The following CFAP61 variants were observed in gnomAD, a reference collection of about 807,000 sequenced individuals.
CFAP61 encodes cilia and flagella associated protein 61, also known as cilia- and flagella-associated protein 61.
In CFAP61, 107 loss-of-function variants were observed where a neutral mutation model predicts 135.6. That is an observed-to-expected ratio of 0.79 (90% CI 0.67 to 0.93). CFAP61 has a LOEUF of 0.93. Among genes scored for constraint, CFAP61 ranks in the 40% least tolerant of loss-of-function variants. The probability of loss-of-function intolerance (pLI) is 0.00; values close to 1 mark genes in which losing one functional copy is unlikely to be tolerated. For synonymous variants in CFAP61, 575 were observed against 578.5 expected, an observed-to-expected ratio of 0.99 and a Z score of 0.09; for missense variants, 1,507 against 1,556.2, an observed-to-expected ratio of 0.97 and a Z score of 0.53.
At chr20:20,308,570 T>C (rs1326028178) in intron 25 of CFAP61, among the ~76,000 whole-genome samples, 1 of 152,162 alleles carries the variant, frequency 6.6e-6, no homozygotes, top group Non-Finnish European at 1.5e-5. Flanking sequence ...AATTCTGTCT[T>C]GCCCTATGCT....
At chr20:20,338,880 A>G (rs1300947148) in intron 25 of CFAP61, among the ~76,000 whole-genome samples, 1 of 152,236 alleles carries the variant, frequency 6.6e-6, no homozygotes, top group Non-Finnish European at 1.5e-5. Flanking sequence ...TCGACCAGAA[A>G]TGGTTAATTC....
In CFAP61 at chr20:20,198,968, G is replaced by A. The variant is rs370763148; in HGVS notation, c.1798-800G>A. On this transcript the variant is annotated intron_variant, in intron 16 of 26. Coordinates refer to ENST00000245957, the MANE Select transcript of CFAP61 (RefSeq NM_015585.4). ...TAACTCTTCAGATTTAAATGGTTACGATGTCCTTAGTTCATTTCACCAAAA... is the reference window on the plus strand; with the variant it reads ...TAACTCTTCAGATTTAAATGGTTACAATGTCCTTAGTTCATTTCACCAAAA... Among the ~76,000 whole-genome samples, 7 of 152,234 alleles carry A rather than the reference G, an allele frequency of 4.6e-5. 1 individual carries two copies. The highest frequency in any genetic ancestry group is 4.1e-4 in the South Asian group (2 of 4,820).
chr20:20,176,412 C>G (rs529125611), intron 13 of CFAP61, among the ~76,000 whole-genome samples: 39 of 144,166 alleles, frequency 2.7e-4, no homozygotes, highest in African/African-American at 1.0e-3. Flanking sequence ...GTTCATTGCG[C>G]ACCGTTCATA....
At chr20:20,272,026 C>T (rs866284012) in intron 21 of CFAP61, among the ~76,000 whole-genome samples, 1 of 152,156 alleles carries the variant, frequency 6.6e-6, no homozygotes, top group South Asian at 2.1e-4. Context: ...TTATAAAGTA[C>T]ACAATGGTAG....
chr20:20,340,964 A>C (rs1284552221), intron 25 of CFAP61, among the ~76,000 whole-genome samples: 1 of 151,920 alleles, frequency 6.6e-6, no homozygotes. Flanking sequence ...GGGACACTTT[A>C]CCTCCATCCC....
At chr20:20,328,216 G>A (rs1262075856) in intron 25 of CFAP61, among the ~76,000 whole-genome samples, 7 of 152,250 alleles carry the variant, frequency 4.6e-5, no homozygotes, top group Non-Finnish European at 5.9e-5. Flanking sequence ...AAGCATGAAG[G>A]GTAGCAACAT....
At chr20:20,302,871 C>T (rs993114433) in intron 25 of CFAP61, among the ~76,000 whole-genome samples, 4 of 151,970 alleles carry the variant, frequency 2.6e-5, no homozygotes, top group South Asian at 2.1e-4. Flanking sequence ...TTTTATTTTT[C>T]GGAAAGAGTA....
chr20:20,160,285 A>C (rs1423864123), intron 10 of CFAP61, among the ~76,000 whole-genome samples: 4 of 152,122 alleles, frequency 2.6e-5, no homozygotes, highest in African/African-American at 9.7e-5. Context: ...TTGAGAAGGG[A>C]ATGGAACATG....
Position 20,277,354 on chromosome 20 carries a change from T to C in CFAP61, c.2692T>C (p.Tyr898His). 6.2e-7 allele frequency: 1 copy of C among 1,614,168 alleles called. No individual in the cohort carries two copies. The highest frequency in any genetic ancestry group is 8.5e-7 in the Non-Finnish European group (1 of 1,180,024). Residue 898 changes from tyrosine to histidine, a missense_variant, in exon 22 of 27, where the codon TAC (tyrosine) becomes CAC (histidine). Physicochemically the swap from Tyr to His is moderately conservative, Grantham distance 83 (BLOSUM62 2). Transcript: ENST00000245957. ...GCTAGGAGCCGCCGGAGTCACTATG[T>C]ACCGGGATGCGATCCTGGCCCAGTG... The part of the protein sequence containing the change: ...DALGAAGVTM[Y>H]RDAILAQWND...
chr20:20,182,750 A>G (rs2055197245), intron 13 of CFAP61, among the ~76,000 whole-genome samples: 1 of 145,742 alleles, frequency 6.9e-6, no homozygotes, highest in East Asian at 2.0e-4. Flanking sequence ...TTTGTAAAGG[A>G]AATACCCTTG....
At chr20:20,085,630 T>C (rs2046749032) in intron 6 of CFAP61, 1 of 686,512 alleles carries the variant, frequency 1.5e-6, no homozygotes, top group Admixed American at 2.2e-5. Flanking sequence ...CTGATGTTTA[T>C]AGCTACAGAG....
chr20:20,133,265 C>T (rs1211997003), intron 8 of CFAP61, among the ~76,000 whole-genome samples: 1 of 152,188 alleles, frequency 6.6e-6, no homozygotes, highest in Non-Finnish European at 1.5e-5. Context: ...ATTGTTCATG[C>T]ATTTGGTGTC....
At chr20:20,057,120 T>TAA (rs752860141) in intron 2 of CFAP61, among the ~76,000 whole-genome samples, 11,381 of 101,868 alleles carry the variant, frequency 0.11, 941 homozygotes, top group African/African-American at 0.24. Flanking sequence ...CTGTCTCAAT[T>TAA]AAAAAAAAAA....
At chr20:20,236,456 C>T (rs975208934) in intron 18 of CFAP61, among the ~76,000 whole-genome samples, 3 of 152,114 alleles carry the variant, frequency 2.0e-5, no homozygotes, top group Non-Finnish European at 2.9e-5. Context: ...TTTTCCAAAC[C>T]ACATTTTCTA....
chr20:20,309,296 G>A (rs1362503603), intron 25 of CFAP61, among the ~76,000 whole-genome samples: 2 of 152,152 alleles, frequency 1.3e-5, no homozygotes, highest in African/African-American at 2.4e-5. Context: ...CAAAAGCCGA[G>A]TAGAATATAA....
At chr20:20,168,904 C>T (rs2054021654) in intron 12 of CFAP61, among the ~76,000 whole-genome samples, 1 of 152,186 alleles carries the variant, frequency 6.6e-6, no homozygotes, top group Non-Finnish European at 1.5e-5. Flanking sequence ...AAGTATCATC[C>T]TCCCATCTCG....
intron 1 of CFAP61, chr20:20,052,897 G>A (rs2043867044): frequency 3.2e-6 from 2 of 625,056 alleles, no homozygotes; most frequent in African/African-American, 3.9e-5. Context: ...CTCGTTTCTG[G>A]TTTCGGGACA....
chr20:20,201,708 C>T (rs1300253041), intron 17 of CFAP61, among the ~76,000 whole-genome samples: 2 of 152,204 alleles, frequency 1.3e-5, no homozygotes, highest in South Asian at 2.1e-4. Context: ...CTGGAGAAGG[C>T]GCTGGGCATA....
At chr20:20,105,728 T>G (rs1303061455) in intron 8 of CFAP61, among the ~76,000 whole-genome samples, 1 of 151,586 alleles carries the variant, frequency 6.6e-6, no homozygotes, top group African/African-American at 2.4e-5. Context: ...GCCTCCCAGG[T>G]TCACACCATT....
Sources: allele counts gnomAD v4.1 joint callset (sites outside exome capture counted in the v4.1 genomes callset), GRCh38; gene constraint gnomAD v4.1.1; transcripts MANE v1.5; gene names NCBI Gene and HGNC (gene_info 2026-07-23, HGNC 2026-07-21).